The following HTRA4 variants were observed in gnomAD, a reference collection of about 807,000 sequenced individuals.
The protein encoded by HTRA4 is serine protease HTRA4.
A neutral mutation model predicts 49.1 loss-of-function variants in HTRA4; 46 were observed. That is an observed-to-expected ratio of 0.94 (90% CI 0.74 to 1.20). HTRA4 has a LOEUF of 1.20. Ranked by LOEUF, HTRA4 falls within the 50% of genes most tolerant of loss-of-function variation. The pLI is 0.00. For synonymous variants in HTRA4, 261 were observed against 264.0 expected, an observed-to-expected ratio of 0.99 and a Z score of 0.11; for missense variants, 602 against 636.9, an observed-to-expected ratio of 0.95 and a Z score of 0.59.
chr8:38,977,865 A>T, intron 3 of HTRA4, 88 bp from the exon 4 acceptor site: 1 of 1,332,198 alleles, frequency 7.5e-7, no homozygotes, highest in Non-Finnish European at 1.1e-6. Context: ...AGCGTCATAT[A>T]TGTGTTAGAC....
intron 1 of HTRA4, 58 bp downstream of exon 1, chr8:38,974,787 G>A (rs1409909563): frequency 7.2e-7 from 1 of 1,397,840 alleles, no homozygotes; most frequent in Non-Finnish European, 9.4e-7. Context: ...GAGCGTAAAG[G>A]AACAAGACCT....
In HTRA4 at chr8:38,976,721, G is replaced by A. The variant is rs1317479634; in HGVS notation, c.753G>A (p.Val251=). The change falls in exon 3 of 9, where the codon GTG becomes GTA. Residue 251 remains valine (V), a synonymous_variant. Transcript: ENST00000302495. ...KDIDLKLDLA[V]IKIESNAELP... is the part of the protein sequence containing the mutation. The stretch of plus-strand genomic sequence containing the variant: ...TTGACCTTAAATTGGATCTTGCGGT[G>A]ATTAAGATTGAATCAAATGTGAGTA... The A allele has an allele frequency of 6.2e-7, 1 of 1,614,058 alleles. No individual in the cohort carries two copies. Among genetic ancestry groups the A allele is most frequent in the African/African-American group, 1.3e-5 (1 of 74,918 alleles).
chr8:38,982,064 TC>T (rs1835430933), intron 6 of HTRA4, among the ~76,000 whole-genome samples: 1 of 152,048 alleles, frequency 6.6e-6, no homozygotes. Context: ...GCCAGGCTGG[TC>T]TTGAACTCCT....
intron 4 of HTRA4, 54 bp from the exon 5 acceptor site, chr8:38,979,161 A>G (rs888631583): frequency 6.8e-7 from 1 of 1,481,034 alleles, no homozygotes; most frequent in Non-Finnish European, 9.4e-7. Flanking sequence ...GTAAAGGACA[A>G]GGGGGAATGT....
At chr8:38,982,645 C>A in intron 7 of HTRA4, 90 bp downstream of exon 7, 1 of 1,231,876 alleles carries the variant, frequency 8.1e-7, no homozygotes, top group Non-Finnish European at 1.2e-6. Flanking sequence ...GCCACTTGGA[C>A]CACAGCCAGG....
intron 7 of HTRA4, 57 bp downstream of exon 7, chr8:38,982,612 C>T: frequency 2.0e-6 from 3 of 1,527,732 alleles, no homozygotes; most frequent in Non-Finnish European, 2.7e-6. Context: ...ACCATAGCTG[C>T]ACAGTCTTAA....
chr8:38,978,426 C>T (rs1427679790), intron 4 of HTRA4, among the ~76,000 whole-genome samples: 4 of 152,226 alleles, frequency 2.6e-5, no homozygotes, highest in East Asian at 1.9e-4. Flanking sequence ...TCCCAAACCA[C>T]CCCTCCGTCT....
chr8:38,980,690 G>T lies in HTRA4; in HGVS notation c.1000-963G>T, dbSNP rs117194050. 4.5e-3 allele frequency among the ~76,000 whole-genome samples: 675 copies of T among 151,666 alleles called. 3 individuals carry two copies. The highest frequency in any genetic ancestry group is 8.3e-3 in the East Asian group (43 of 5,166). On this transcript the variant is annotated intron_variant, in intron 5 of 8. Coordinates refer to ENST00000302495, the MANE Select transcript of HTRA4 (RefSeq NM_153692.4). ...GAGGCAGAGGTTGCAATGAGCCAAG[G>T]TTGCACCAATGCACTCCAGCCTGGG...
rs372805893 is a variant in HTRA4 at position 38,988,059 on chromosome 8, T to A, written c.1392T>A (p.Asp464Glu). ...CCATGGCTGTTCTTCGGGGAAAAGA[T>A]AATTTGCTCCTGACAGTCATACCTG... ...SLSMAVLRGK[D>E]NLLLTVIPET... The change falls in exon 9 of 9, where the codon GAT (aspartate) becomes GAA (glutamate). Residue 464 changes from aspartate to glutamate, a missense_variant. Asp to Glu is a conservative substitution (Grantham distance 45). Coordinates refer to ENST00000302495, the MANE Select transcript of HTRA4 (RefSeq NM_153692.4). 5 of 1,610,756 alleles carry A rather than the reference T, an allele frequency of 3.1e-6. No individual in the cohort carries two copies. Among genetic ancestry groups the A allele is most frequent in the African/African-American group, 2.7e-5 (2 of 74,660 alleles).
At chr8:38,981,930 C>G (rs563165049) in intron 6 of HTRA4, among the ~76,000 whole-genome samples, 163 bp downstream of exon 6, 1 of 152,178 alleles carries the variant, frequency 6.6e-6, no homozygotes, top group Admixed American at 6.5e-5. Flanking sequence ...TTACTGCAAC[C>G]TCTGCCTCCT....
intron 8 of HTRA4, among the ~76,000 whole-genome samples, chr8:38,984,685 G>A (rs1835464056): frequency 6.6e-6 from 1 of 152,094 alleles, no homozygotes; most frequent in Non-Finnish European, 1.5e-5. Context: ...GGCAGCAGAG[G>A]TTGCAGTGAG....
At chr8:38,981,909 G>A (rs765530531) in intron 6 of HTRA4, 142 bp downstream of exon 6, 12 of 629,820 alleles carry the variant, frequency 1.9e-5, no homozygotes, top group Non-Finnish European at 2.8e-5. Context: ...GTGCAGTGGC[G>A]TGATCTTGGT....
intron 8 of HTRA4, among the ~76,000 whole-genome samples, chr8:38,985,450 C>T (rs1835473024): frequency 2.0e-5 from 3 of 152,186 alleles, no homozygotes; most frequent in African/African-American, 2.4e-5. Context: ...TGAGCCACCG[C>T]CCGCGGTCTG....
At chr8:38,981,565 T>C in intron 5 of HTRA4, 88 bp from the exon 6 acceptor site, 1 of 856,450 alleles carries the variant, frequency 1.2e-6, no homozygotes. Context: ...CCTAAGTAAC[T>C]AGCTTCACTC....
At position 38,988,103 on chromosome 8, in the gene HTRA4, C is replaced by CTTGTT; in HGVS notation, c.*8_*12dup. On this transcript the variant is annotated 3_prime_UTR_variant, in exon 9 of 9. Coordinates refer to ENST00000302495, the MANE Select transcript of HTRA4 (RefSeq NM_153692.4). ...ATACCTGAAACAATCAATTAAATAT[C>CTTGTT]TTGTTTTAAAGTGGGATTATCTAAA... is the stretch of plus-strand genomic sequence containing the variant. 2 of 1,546,116 alleles carry CTTGTT rather than the reference C, an allele frequency of 1.3e-6. No individual in the cohort carries two copies. Among genetic ancestry groups the CTTGTT allele is most frequent in the South Asian group, 2.4e-5 (2 of 81,964 alleles).
chr8:38,982,504 C>T lies in HTRA4; in HGVS notation c.1121C>T (p.Ala374Val), dbSNP rs777434731. The T allele has an allele frequency of 6.8e-6, 11 of 1,613,680 alleles. No individual in the cohort carries two copies. The highest frequency in any genetic ancestry group is 5.0e-5 in the Admixed American group (3 of 59,974). Residue 374 changes from alanine to valine, a missense_variant, in exon 7 of 9, where the codon GCG becomes GTG. Transcript: ENST00000302495. ...EYHEHQMKGK[A>V]FSNKKYLGLQ... ...TCATAACTTTCCTTTCCAGGAAAGG[C>T]GTTTTCAAATAAGAAATATCTGGGT...
At chr8:38,975,816 G>A (rs1835344293) in intron 2 of HTRA4, among the ~76,000 whole-genome samples, 1 of 152,216 alleles carries the variant, frequency 6.6e-6, no homozygotes, top group Non-Finnish European at 1.5e-5. Flanking sequence ...TACGAGGCCA[G>A]TTGGCGGTGG....
At chr8:38,978,931 T>C (rs983848922) in intron 4 of HTRA4, among the ~76,000 whole-genome samples, 1 of 150,262 alleles carries the variant, frequency 6.7e-6, no homozygotes, top group Non-Finnish European at 1.5e-5. Context: ...GAGGCAGAGG[T>C]TGCAGTGAGT....
chr8:38,979,890 T>C (rs7844848), intron 5 of HTRA4, among the ~76,000 whole-genome samples: 122,613 of 152,144 alleles, frequency 0.81, 49,572 homozygotes, highest in East Asian at 0.95. Context: ...CCTTGAAGAC[T>C]CCTTGATGCT....
Sources: gnomAD v4.1 joint callset for allele counts (sites outside exome capture counted in the v4.1 genomes callset) on GRCh38, gnomAD v4.1.1 for gene constraint, MANE v1.5 for transcripts, NCBI Gene and HGNC (gene_info 2026-07-23, HGNC 2026-07-21) for gene names.